SNTB1: variants seen among roughly 807,000 people sequenced by gnomAD.
SNTB1 encodes beta-1-syntrophin.
A neutral mutation model predicts 48.9 loss-of-function variants in SNTB1; 36 were observed. The ratio of observed to expected loss-of-function variants is 0.74; its 90% CI spans 0.56 to 0.97. SNTB1 has a LOEUF of 0.97. Among genes scored for constraint, SNTB1 ranks in the 50% least tolerant of loss-of-function variants. SNTB1 has a pLI of 0.00. For synonymous variants in SNTB1, 299 were observed against 294.6 expected, an observed-to-expected ratio of 1.01 and a Z score of -0.15; for missense variants, 786 against 703.4, an observed-to-expected ratio of 1.12 and a Z score of -1.33.
At chr8:120,622,414 T>C (rs1248234541) in intron 3 of SNTB1, among the ~76,000 whole-genome samples, 1 of 152,070 alleles carries the variant, frequency 6.6e-6, no homozygotes, top group Non-Finnish European at 1.5e-5. Flanking sequence ...AAATACCAAC[T>C]TGAGAGAGTT....
At chr8:120,584,839 C>T (rs143131346) in intron 3 of SNTB1, among the ~76,000 whole-genome samples, 3 of 152,194 alleles carry the variant, frequency 2.0e-5, no homozygotes, top group East Asian at 1.9e-4. Context: ...TGTACGCAGA[C>T]GTGTACACAG....
chr8:120,610,642 T>C (rs959573467), intron 3 of SNTB1, among the ~76,000 whole-genome samples: 1 of 152,146 alleles, frequency 6.6e-6, no homozygotes, highest in Non-Finnish European at 1.5e-5. Context: ...GAGGGCCAAG[T>C]GGGCAACTTG....
intron 2 of SNTB1, among the ~76,000 whole-genome samples, chr8:120,683,490 A>G (rs1325715069): frequency 1.3e-5 from 2 of 152,220 alleles, no homozygotes; most frequent in Non-Finnish European, 2.9e-5. Context: ...GGGCGGCATT[A>G]CAAATCAGAA....
At chr8:120,689,958 T>C (rs1009156408) in intron 2 of SNTB1, among the ~76,000 whole-genome samples, 1 of 152,226 alleles carries the variant, frequency 6.6e-6, no homozygotes, top group South Asian at 2.1e-4. Context: ...TCGCAATGTA[T>C]TCAGATCTAC....
intron 2 of SNTB1, among the ~76,000 whole-genome samples, chr8:120,646,048 C>T (rs1484734200): frequency 2.7e-5 from 4 of 149,306 alleles, no homozygotes; most frequent in Admixed American, 6.7e-5. Context: ...TGCTTATCAG[C>T]TTAAGGAGAT....
chr8:120,586,216 T>C (rs987049508), intron 3 of SNTB1, among the ~76,000 whole-genome samples: 7 of 152,240 alleles, frequency 4.6e-5, no homozygotes, highest in African/African-American at 1.7e-4. Flanking sequence ...CGCCAAATCT[T>C]CCAGTGTTTC....
At chr8:120,668,617 T>G (rs7818703) in intron 2 of SNTB1, among the ~76,000 whole-genome samples, 133,275 of 152,100 alleles carry the variant, frequency 0.88, 58,955 homozygotes, top group Middle Eastern at 0.96. Context: ...GTCCCAAAGG[T>G]TCTCTATATT....
intron 1 of SNTB1, among the ~76,000 whole-genome samples, chr8:120,788,636 A>G (rs1290576178): frequency 6.6e-6 from 1 of 152,036 alleles, no homozygotes; most frequent in African/African-American, 2.4e-5. Context: ...GCACAAGGAA[A>G]AGACAAAGAA....
At chr8:120,792,097 A>C (rs34581346) in intron 1 of SNTB1, among the ~76,000 whole-genome samples, 10,234 of 144,130 alleles carry the variant, frequency 0.071, 504 homozygotes, top group African/African-American at 0.14. Context: ...TGAGTACTAA[A>C]GAAGCACACA....
intron 1 of SNTB1, among the ~76,000 whole-genome samples, chr8:120,766,060 C>T (rs1819518986): frequency 6.6e-6 from 1 of 152,062 alleles, no homozygotes; most frequent in Admixed American, 6.6e-5. Flanking sequence ...ACTCAGCAGC[C>T]ATTTGAATGT....
chr8:120,782,615 C>T (rs939026106), intron 1 of SNTB1, among the ~76,000 whole-genome samples: 1 of 151,866 alleles, frequency 6.6e-6, no homozygotes, highest in East Asian at 1.9e-4. Context: ...CACACACACA[C>T]ATATATATGT....
At chr8:120,543,117 C>G (rs1017802486) in intron 5 of SNTB1, among the ~76,000 whole-genome samples, 8 of 152,148 alleles carry the variant, frequency 5.3e-5, no homozygotes, top group Admixed American at 2.6e-4. Context: ...GAAAAGAGTC[C>G]TGCTCTTTAA....
Position 120,763,157 on chromosome 8 carries a change from A to G in SNTB1, c.571+48116T>C, listed in dbSNP as rs554423941. Among the ~76,000 whole-genome samples the G allele has an allele frequency of 3.9e-5, 6 of 152,342 alleles. No individual in the cohort carries two copies. The East Asian group carries it at 1.2e-3, about 29-fold the overall frequency. On this transcript the variant is annotated intron_variant, in intron 1 of 6. Coordinates refer to ENST00000517992, the MANE Select transcript of SNTB1 (RefSeq NM_021021.4). ...AATTTCTTTTGCTATTTATTAATAGATATCATGAATCTTATATATCGCATT... is the reference window on the plus strand; with the variant it reads ...AATTTCTTTTGCTATTTATTAATAGGTATCATGAATCTTATATATCGCATT...
Position 120,693,692 on chromosome 8 carries a change from C to G in SNTB1, c.788G>C (p.Arg263Thr). The change falls in exon 2 of 7, where the codon AGG (arginine) becomes ACG (threonine). Residue 263 changes from arginine to threonine, a missense_variant and splice_region_variant. Coordinates refer to ENST00000517992, the MANE Select transcript of SNTB1 (RefSeq NM_021021.4). The part of the protein sequence containing the change: ...RSMALADPEN[R>T]QLEIHSPDAK... Reference sequence around the variant, plus strand: ...AGTGGAGAGTTTTGACCCTATTTACCTGTTCTCAGGGTCGGCCAAGGCCAT... The same window carrying G: ...AGTGGAGAGTTTTGACCCTATTTACGTGTTCTCAGGGTCGGCCAAGGCCAT... 14 of 1,613,568 alleles carry G rather than the reference C, an allele frequency of 8.7e-6. No individual in the cohort carries two copies. Among genetic ancestry groups the G allele is most frequent in the Non-Finnish European group, 1.2e-5 (14 of 1,179,586 alleles).
chr8:120,689,819 G>A (rs1818095938), intron 2 of SNTB1, among the ~76,000 whole-genome samples: 1 of 152,176 alleles, frequency 6.6e-6, no homozygotes. Flanking sequence ...ATCAGAGGCT[G>A]TTGTTTGTAT....
At chr8:120,720,090 C>T (rs1368563380) in intron 1 of SNTB1, among the ~76,000 whole-genome samples, 13 of 152,200 alleles carry the variant, frequency 8.5e-5, no homozygotes, top group Non-Finnish European at 1.5e-4. Flanking sequence ...TGGGTTAGGG[C>T]AAAGGGGCTG....
At chr8:120,620,450 C>A (rs1452097994) in intron 3 of SNTB1, among the ~76,000 whole-genome samples, 1 of 152,132 alleles carries the variant, frequency 6.6e-6, no homozygotes, top group Non-Finnish European at 1.5e-5. Flanking sequence ...GGTCTCCATG[C>A]AAAGCCCCTG....
chr8:120,789,257 A>G (rs1484191535), intron 1 of SNTB1, among the ~76,000 whole-genome samples: 1 of 152,062 alleles, frequency 6.6e-6, no homozygotes. Flanking sequence ...CTAAGAAGAA[A>G]GTTTATAGCA....
At chr8:120,578,793 G>A (rs1815990093) in intron 3 of SNTB1, among the ~76,000 whole-genome samples, 1 of 152,130 alleles carries the variant, frequency 6.6e-6, no homozygotes, top group Admixed American at 6.5e-5. Flanking sequence ...TCTGAGACAG[G>A]TCTCCCAAAT....
Sources: allele counts gnomAD v4.1 joint callset (sites outside exome capture counted in the v4.1 genomes callset), GRCh38; gene constraint gnomAD v4.1.1; transcripts MANE v1.5; gene names NCBI Gene and HGNC (gene_info 2026-07-23, HGNC 2026-07-21).